The following GABRB3 variants were observed in gnomAD, a reference collection of about 807,000 sequenced individuals.
GABRB3 encodes gamma-aminobutyric acid receptor subunit beta-3.
A neutral mutation model predicts 52.1 loss-of-function variants in GABRB3; 14 were observed. That is an observed-to-expected ratio of 0.27 (90% CI 0.18 to 0.42). The LOEUF is 0.42. GABRB3 is among the 10% of genes least tolerant of loss of function. The pLI is 1.00. For missense variants in GABRB3, 307 were observed against 609.1 expected, an observed-to-expected ratio of 0.50 and a Z score of 5.22; for synonymous variants, 260 against 232.3, an observed-to-expected ratio of 1.12 and a Z score of -1.08.
intron 3 of GABRB3, among the ~76,000 whole-genome samples, chr15:26,759,479 T>C (rs954893616): frequency 1.3e-4 from 20 of 152,198 alleles, no homozygotes; most frequent in Non-Finnish European, 2.2e-4. Context: ...CAGACTGGTC[T>C]TGAACTCCTG....
chr15:26,656,411 G>C (rs929511219), intron 3 of GABRB3, among the ~76,000 whole-genome samples: 4 of 152,234 alleles, frequency 2.6e-5, no homozygotes, highest in African/African-American at 9.6e-5. Flanking sequence ...TGATTTGTTT[G>C]CTGCAAACTT....
At chr15:26,592,171 G>T (rs1277722391) in intron 4 of GABRB3, among the ~76,000 whole-genome samples, 1 of 152,188 alleles carries the variant, frequency 6.6e-6, no homozygotes, top group Non-Finnish European at 1.5e-5. Flanking sequence ...TCTACCCAAA[G>T]TGTGTCTGAT....
At chr15:26,556,484 T>C (rs1889756537) in intron 8 of GABRB3, among the ~76,000 whole-genome samples, 1 of 152,150 alleles carries the variant, frequency 6.6e-6, no homozygotes, top group Non-Finnish European at 1.5e-5. Flanking sequence ...TACCACCTCA[T>C]GAAATTCAAA....
At chr15:26,715,377 A>G (rs1010187398) in intron 3 of GABRB3, among the ~76,000 whole-genome samples, 2 of 152,190 alleles carry the variant, frequency 1.3e-5, no homozygotes, top group African/African-American at 4.8e-5. Flanking sequence ...CAGGAAACAG[A>G]GCAACAGATA....
chr15:26,597,089 A>G (rs1891419850), intron 4 of GABRB3, among the ~76,000 whole-genome samples: 1 of 152,156 alleles, frequency 6.6e-6, no homozygotes, highest in Non-Finnish European at 1.5e-5. Flanking sequence ...AAATGGATTA[A>G]TCCATTCATG....
In GABRB3 at chr15:26,621,649, A is replaced by T; in HGVS notation, c.241-115T>A. On this transcript the variant is annotated intron_variant, in intron 3 of 8. Coordinates refer to ENST00000311550, the MANE Select transcript of GABRB3 (RefSeq NM_000814.6). This position sits in a 1 kb window ranked among gnomAD's most constrained non-coding sequence, Gnocchi z 4.1. ...GGCTCTACAGTGAATAACCAGGAGAAACGGATGCCATTTTTATGCAGAATG... is the reference window on the plus strand; with the variant it reads ...GGCTCTACAGTGAATAACCAGGAGATACGGATGCCATTTTTATGCAGAATG... 1.3e-6 allele frequency: 1 copy of T among 753,232 alleles called. No homozygotes were observed. Among genetic ancestry groups the T allele is most frequent in the East Asian group, 2.6e-5 (1 of 37,988 alleles). 46.7% of individuals were successfully genotyped at this position (753,232 alleles called of 1,614,324 possible).
chr15:26,603,606 A>C (rs1891664677), intron 4 of GABRB3, among the ~76,000 whole-genome samples: 1 of 152,122 alleles, frequency 6.6e-6, no homozygotes, highest in South Asian at 2.1e-4. Flanking sequence ...CAGAGATGCA[A>C]GGATGGTTCA....
In GABRB3 at chr15:26,554,037, TTATTTA is replaced by T. The variant is rs1417498617; in HGVS notation, c.1081-5909_1081-5904del. On this transcript the variant is annotated intron_variant, in intron 8 of 8. Transcript: ENST00000311550. ...CCTGACTATTTATATATATATATAT[TTATTTA>T]TTTATATTTATTTATATATAAAGTG... Among the ~76,000 whole-genome samples the T allele has an allele frequency of 3.9e-4, 23 of 58,476 alleles. 7 individuals carry two copies. Among genetic ancestry groups the T allele is most frequent in the African/African-American group, 1.8e-3 (22 of 12,522 alleles). 38.4% of individuals were successfully genotyped at this position (58,476 alleles called of 152,430 possible). A position where few individuals can be genotyped will look rare whatever the true frequency, so the allele number is the denominator to read the frequency against.
chr15:26,549,532 T>C lies in GABRB3; in HGVS notation c.1081-1398A>G, dbSNP rs561990793. On this transcript the variant is annotated intron_variant, in intron 8 of 8. Coordinates refer to ENST00000311550, the MANE Select transcript of GABRB3 (RefSeq NM_000814.6). ...AGGGTAATGGCCCCCAGGGAGGTTG[T>C]AACCACAGGATCAACCCAGTCTGGT... Among the ~76,000 whole-genome samples, 29 of 152,274 alleles carry C rather than the reference T, an allele frequency of 1.9e-4. No individual in the cohort carries two copies. In the South Asian group the frequency reaches 5.8e-3, roughly 30 times the overall value.
At chr15:26,701,203 G>C (rs1473038607) in intron 3 of GABRB3, among the ~76,000 whole-genome samples, 3 of 152,174 alleles carry the variant, frequency 2.0e-5, no homozygotes, top group Non-Finnish European at 4.4e-5. Flanking sequence ...ACAAGACAAG[G>C]ATATTGCTCT....
At chr15:26,697,584 A>G (rs1364840911) in intron 3 of GABRB3, among the ~76,000 whole-genome samples, 1 of 152,098 alleles carries the variant, frequency 6.6e-6, no homozygotes, top group Non-Finnish European at 1.5e-5. Context: ...GGGAGCACAT[A>G]TGCCAGTCCA....
At chr15:26,633,111 G>A (rs1246335160) in intron 3 of GABRB3, among the ~76,000 whole-genome samples, 1 of 152,076 alleles carries the variant, frequency 6.6e-6, no homozygotes, top group Non-Finnish European at 1.5e-5. Flanking sequence ...TCTGGAGCAG[G>A]CTTCACCCTT....
rs963468795 is a variant in GABRB3, at chr15:26,554,199, A to T, written c.1081-6065T>A. On this transcript the variant is annotated intron_variant, in intron 8 of 8. Transcript: ENST00000311550. ...AAGTATATATATATATACTATATATATATATATATAGTAGAAACAAGGTCT... is the reference window on the plus strand; with the variant it reads ...AAGTATATATATATATACTATATATTTATATATATAGTAGAAACAAGGTCT... Among the ~76,000 whole-genome samples, 141 of 80,660 alleles carry T rather than the reference A, an allele frequency of 1.7e-3. 9 individuals carry two copies. Among genetic ancestry groups the T allele is most frequent in the South Asian group, 3.8e-3 (9 of 2,392 alleles). 52.9% of individuals were successfully genotyped at this position (80,660 alleles called of 152,430 possible).
At chr15:26,554,021 T>TATATATATATATATA (rs1555400757) in intron 8 of GABRB3, among the ~76,000 whole-genome samples, 1 of 23,666 alleles carries the variant, frequency 4.2e-5, no homozygotes, top group African/African-American at 1.8e-4. Flanking sequence ...ACCTGACTAT[T>TATATATATATATATA]TATATATATA....
intron 5 of GABRB3, among the ~76,000 whole-genome samples, chr15:26,582,630 G>A (rs528535078): frequency 2.0e-5 from 3 of 152,320 alleles, no homozygotes; most frequent in African/African-American, 7.2e-5. Context: ...CATTCACAAA[G>A]ACATTCGCTT....
chr15:26,618,804 C>G (rs1388064542), intron 4 of GABRB3, among the ~76,000 whole-genome samples: 19 of 152,018 alleles, frequency 1.2e-4, no homozygotes, highest in African/African-American at 4.6e-4. Flanking sequence ...CCACAATGAA[C>G]TCAAACAAAT....
In GABRB3 at chr15:26,772,972, G is replaced by A. The variant is rs1262374041; in HGVS notation, c.-10C>T. On this transcript the variant is annotated 5_prime_UTR_variant, in exon 1 of 9. Transcript: ENST00000311550. ...CCGCAAGGCCCCACATCCCTCCGCC[G>A]CGCCCCGGCACGGGGGAGGGGGCGC... The A allele has an allele frequency of 2.1e-6, 3 of 1,412,262 alleles. No individual in the cohort carries two copies. The highest frequency in any genetic ancestry group is 2.4e-5 in the Admixed American group (1 of 40,944). 87.5% of individuals were successfully genotyped at this position (1,412,262 alleles called of 1,614,324 possible). A position where few individuals can be genotyped will look rare whatever the true frequency, so the allele number is the denominator to read the frequency against.
At chr15:26,747,901 A>AT (rs1191600076) in intron 3 of GABRB3, among the ~76,000 whole-genome samples, 1 of 101,984 alleles carries the variant, frequency 9.8e-6, no homozygotes, top group Non-Finnish European at 2.0e-5. Flanking sequence ...TTGATAATTT[A>AT]TTTTTTTATT....
At chr15:26,728,525 G>A (rs1297972631) in intron 3 of GABRB3, among the ~76,000 whole-genome samples, 1 of 152,320 alleles carries the variant, frequency 6.6e-6, no homozygotes, top group East Asian at 1.9e-4. Flanking sequence ...ACTGGGAAGG[G>A]TGGGCTAGCT....
Sources: allele counts gnomAD v4.1 joint callset (sites outside exome capture counted in the v4.1 genomes callset), GRCh38; gene constraint gnomAD v4.1.1; non-coding constraint Gnocchi (gnomAD v3.1); transcripts MANE v1.5; gene names NCBI Gene and HGNC (gene_info 2026-07-23, HGNC 2026-07-21).